GSE1: variants seen among roughly 807,000 people sequenced by gnomAD.
GSE1 encodes Gse1 coiled-coil protein.
In GSE1, 32 loss-of-function variants were observed where a neutral mutation model predicts 112.6. That is an observed-to-expected ratio of 0.28 (90% CI 0.21 to 0.38). GSE1 has a LOEUF of 0.38. GSE1 is among the 10% of genes least tolerant of loss of function. The probability of loss-of-function intolerance (pLI) is 1.00; values close to 1 mark genes in which losing one functional copy is unlikely to be tolerated. For synonymous variants in GSE1, 1,115 were observed against 735.6 expected (o/e 1.52, Z -8.35); for missense variants, 2,348 against 1,699.2 (o/e 1.38, Z -6.71).
At chr16:85,291,513 T>A (rs920791895) in intron 1 of GSE1, among the ~76,000 whole-genome samples, 1 of 151,822 alleles carries the variant, frequency 6.6e-6, no homozygotes, top group Non-Finnish European at 1.5e-5. Flanking sequence ...TCCCATGGGG[T>A]CGAATAAAGG....
intron 1 of GSE1, among the ~76,000 whole-genome samples, chr16:85,331,703 A>AT (rs1481740959): frequency 2.0e-4 from 8 of 40,620 alleles, no homozygotes; most frequent in Non-Finnish European, 3.3e-4. Flanking sequence ...ATATATATAT[A>AT]TATATTTTTT....
chr16:85,530,219 C>T (rs981091374), intron 2 of GSE1, among the ~76,000 whole-genome samples: 3 of 152,178 alleles, frequency 2.0e-5, no homozygotes, highest in Non-Finnish European at 2.9e-5. Context: ...AAGCTCCTAA[C>T]GATATTGATC....
intron 2 of GSE1, among the ~76,000 whole-genome samples, chr16:85,441,185 G>A (rs1251207318): frequency 6.6e-6 from 1 of 152,172 alleles, no homozygotes; most frequent in Non-Finnish European, 1.5e-5. Context: ...CCTTTGTGGT[G>A]GGGGCTGTCC....
At chr16:85,516,820 C>T (rs543170484) in intron 2 of GSE1, among the ~76,000 whole-genome samples, 11 of 126,116 alleles carry the variant, frequency 8.7e-5, no homozygotes, top group South Asian at 2.5e-4. Context: ...TTTTTTGAGA[C>T]GGAGTCTCGC....
intron 2 of GSE1, among the ~76,000 whole-genome samples, chr16:85,413,430 G>A (rs1340281553): frequency 1.3e-5 from 2 of 151,976 alleles, no homozygotes; most frequent in African/African-American, 2.4e-5. Context: ...CAAGCATGGC[G>A]GCCTGCTCTC....
chr16:85,662,280 CCT>C (rs940929690), intron 9 of GSE1: 2 of 155,386 alleles, frequency 1.3e-5, no homozygotes, highest in African/African-American at 2.4e-5. Flanking sequence ...CCAGCGGCTC[CCT>C]GAGTTCTCCA....
chr16:85,603,348 T>C (rs1319365775), intron 1 of GSE1, among the ~76,000 whole-genome samples: 1 of 152,166 alleles, frequency 6.6e-6, no homozygotes, highest in East Asian at 1.9e-4. Flanking sequence ...GCTTCGCTCG[T>C]GACTCTGCTC....
chr16:85,270,026 T>A (rs9888940), intron 1 of GSE1, among the ~76,000 whole-genome samples: 1 of 148,590 alleles, frequency 6.7e-6, no homozygotes, highest in Non-Finnish European at 1.5e-5. Flanking sequence ...TGTTGGTAGC[T>A]AGGATTCAAA....
intron 9 of GSE1, chr16:85,662,390 C>A (rs553974967): frequency 1.9e-5 from 3 of 153,970 alleles, no homozygotes; most frequent in African/African-American, 7.2e-5. Context: ...CAGGTCCTGT[C>A]CAGTGCTGAG....
At chr16:85,488,241 C>G (rs538566741) in intron 2 of GSE1, among the ~76,000 whole-genome samples, 2 of 152,240 alleles carry the variant, frequency 1.3e-5, no homozygotes, top group Admixed American at 1.3e-4. Flanking sequence ...TTCAGTTTCC[C>G]CATCTAGCAT....
chr16:85,295,628 A>G (rs1312157259), intron 1 of GSE1, among the ~76,000 whole-genome samples: 1 of 152,178 alleles, frequency 6.6e-6, no homozygotes, highest in Non-Finnish European at 1.5e-5. Flanking sequence ...GTGCTGGTCT[A>G]AGTCAAGGGG....
At chr16:85,555,071 A>C, upstream of GSE1, 1 of 985,184 alleles carries the variant, frequency 1.0e-6, no homozygotes, top group Non-Finnish European at 1.2e-6. Flanking sequence ...CGAAGCATGG[A>C]GCTGTTGGAA....
chr16:85,442,354 G>A (rs1470825707), intron 2 of GSE1, among the ~76,000 whole-genome samples: 3 of 152,178 alleles, frequency 2.0e-5, no homozygotes, highest in Non-Finnish European at 4.4e-5. Context: ...CCCCACATGG[G>A]CAGGGACTTC....
intron 2 of GSE1, among the ~76,000 whole-genome samples, chr16:85,360,701 C>T (rs1213115634): frequency 6.6e-6 from 1 of 152,022 alleles, no homozygotes; most frequent in African/African-American, 2.4e-5. Flanking sequence ...AGTACATACA[C>T]GCAAACACAC....
At chr16:85,452,077 T>C (rs2151804944) in intron 2 of GSE1, among the ~76,000 whole-genome samples, 1 of 151,960 alleles carries the variant, frequency 6.6e-6, no homozygotes, top group Middle Eastern at 3.4e-3. Flanking sequence ...TGGCTGAAGA[T>C]GCATCTTTGT....
chr16:85,564,072 G>T (rs2151298388), intron 1 of GSE1, among the ~76,000 whole-genome samples: 1 of 152,354 alleles, frequency 6.6e-6, no homozygotes, highest in African/African-American at 2.4e-5. Flanking sequence ...AGGAGCAGCA[G>T]AGGAGATCTA....
chr16:85,616,718 GGTGGCCTCACCGA>G (rs2048394075), intron 1 of GSE1, among the ~76,000 whole-genome samples: 1 of 152,042 alleles, frequency 6.6e-6, no homozygotes, highest in Non-Finnish European at 1.5e-5. Flanking sequence ...CTCAGATCTC[GGTGGCCTCACCGA>G]GTGCGGTGTG....
intron 8 of GSE1, chr16:85,659,562 C>CCCTG (rs2052261433): frequency 6.6e-6 from 1 of 152,258 alleles, no homozygotes; most frequent in South Asian, 2.1e-4. Context: ...GAGGGGTGAA[C>CCCTG]CAGGGCAGGT....
At chr16:85,317,327 T>C (rs2046006625) in intron 1 of GSE1, among the ~76,000 whole-genome samples, 1 of 152,160 alleles carries the variant, frequency 6.6e-6, no homozygotes, top group East Asian at 1.9e-4. Context: ...AGAACGTCGA[T>C]AGCCCTCCTT....
Sources: allele counts gnomAD v4.1 joint callset (sites outside exome capture counted in the v4.1 genomes callset), GRCh38; gene constraint gnomAD v4.1.1; transcripts MANE v1.5; gene names NCBI Gene and HGNC (gene_info 2026-07-23, HGNC 2026-07-21).